Variants in SNX29 observed in about 807,000 individuals in gnomAD.
SNX29 encodes the protein sorting nexin-29.
Under a neutral mutation model 102.1 loss-of-function variants are expected in SNX29, and 78 were observed. The ratio of observed to expected loss-of-function variants is 0.76; its 90% CI spans 0.64 to 0.92. SNX29 has a LOEUF of 0.92. SNX29 is among the 40% of genes least tolerant of loss of function. The pLI is 0.00. For synonymous variants in SNX29, 580 were observed against 414.5 expected (o/e 1.40, Z -4.85); for missense variants, 1,280 against 1,061.7 (o/e 1.21, Z -2.86).
intron 20 of SNX29, among the ~76,000 whole-genome samples, chr16:12,542,096 C>T (rs1017750420): frequency 2.6e-5 from 4 of 152,152 alleles, no homozygotes; most frequent in Admixed American, 6.5e-5. Flanking sequence ...AATATTGTCT[C>T]TTCCCAACGG....
At chr16:12,117,689 T>C (rs1212580787) in intron 11 of SNX29, among the ~76,000 whole-genome samples, 1 of 152,208 alleles carries the variant, frequency 6.6e-6, no homozygotes, top group Non-Finnish European at 1.5e-5. Context: ...TAGAACTGGA[T>C]AGTAGTGATG....
chr16:12,167,478 C>CCCA (rs1339162166), intron 13 of SNX29, among the ~76,000 whole-genome samples: 1 of 152,120 alleles, frequency 6.6e-6, no homozygotes, highest in Admixed American at 6.5e-5. Context: ...GACTTCTCCA[C>CCCA]CCACCACCAC....
chr16:12,085,852 C>G (rs2052146345), intron 11 of SNX29, among the ~76,000 whole-genome samples: 1 of 152,118 alleles, frequency 6.6e-6, no homozygotes, highest in South Asian at 2.1e-4. Flanking sequence ...GAAAATGAGG[C>G]TTAGGAGGGT....
chr16:12,426,205 T>G (rs78792660), intron 18 of SNX29, among the ~76,000 whole-genome samples: 6 of 152,194 alleles, frequency 3.9e-5, no homozygotes, highest in African/African-American at 1.4e-4. Context: ...ACAGTAAGTT[T>G]ATTATTCATC....
chr16:12,370,161 G>T (rs775487518), intron 16 of SNX29, among the ~76,000 whole-genome samples: 1 of 152,210 alleles, frequency 6.6e-6, no homozygotes, highest in Non-Finnish European at 1.5e-5. Flanking sequence ...GGTGGAGACT[G>T]CAGTGAGCCA....
chr16:12,535,212 C>T (rs1292908773), intron 20 of SNX29, among the ~76,000 whole-genome samples: 4 of 152,342 alleles, frequency 2.6e-5, no homozygotes, highest in East Asian at 1.9e-4. Flanking sequence ...GATTTCAGCT[C>T]ACTGCAACCT....
At chr16:12,288,427 AG>A (rs916796786) in intron 15 of SNX29, among the ~76,000 whole-genome samples, 2 of 152,212 alleles carry the variant, frequency 1.3e-5, no homozygotes, top group African/African-American at 4.8e-5. Context: ...AACTGCCCTG[AG>A]CTGCCACCCT....
At chr16:12,131,212 C>T (rs1219161181) in intron 13 of SNX29, among the ~76,000 whole-genome samples, 1 of 152,206 alleles carries the variant, frequency 6.6e-6, no homozygotes, top group Non-Finnish European at 1.5e-5. Context: ...ATGGTGCTGG[C>T]AGAAAATTTT....
chr16:12,240,896 G>A lies in SNX29; in HGVS notation c.1679-37037G>A, dbSNP rs77330346. ...GCTGGGATTACAGGCGTTACCCACC[G>A]CACCTTGCCATCTTTGTCATTCTTG... On this transcript the variant is annotated intron_variant, in intron 14 of 20. Coordinates refer to ENST00000566228, the MANE Select transcript of SNX29 (RefSeq NM_032167.5). 8.5e-5 allele frequency among the ~76,000 whole-genome samples: 13 copies of A among 152,050 alleles called. No individual in the cohort carries two copies. The East Asian group carries it at 2.3e-3, about 27-fold the overall frequency.
intron 13 of SNX29, among the ~76,000 whole-genome samples, chr16:12,155,728 C>T (rs1359111147): frequency 2.0e-4 from 30 of 152,060 alleles, no homozygotes; most frequent in Admixed American, 1.9e-3. Context: ...GCAGGGAGGG[C>T]CCAGAACCTT....
chr16:12,560,292 A>G (rs971574128), intron 20 of SNX29, among the ~76,000 whole-genome samples: 1 of 152,176 alleles, frequency 6.6e-6, no homozygotes, highest in South Asian at 2.1e-4. Flanking sequence ...AGTGTTATTG[A>G]AAGCACACTC....
chr16:12,564,491 G>C (rs559804328), intron 20 of SNX29, among the ~76,000 whole-genome samples: 1 of 152,234 alleles, frequency 6.6e-6, no homozygotes, highest in Non-Finnish European at 1.5e-5. Context: ...AAGGTCTAGA[G>C]TGTCTTAACA....
In SNX29 at chr16:12,571,028, GA is replaced by G. The variant is rs2079176642; in HGVS notation, c.*2400del. ...AGAGTCGAGTCATCTCGCAGATCCA[GA>G]CCATCTCCTCTCATTCTCACTCTAA... On this transcript the variant is annotated 3_prime_UTR_variant, in exon 21 of 21. Coordinates refer to ENST00000566228, the MANE Select transcript of SNX29 (RefSeq NM_032167.5). 1 of 232,706 alleles carries G rather than the reference GA, an allele frequency of 4.3e-6. No individual in the cohort carries two copies. The highest frequency in any genetic ancestry group is 2.2e-5 in the African/African-American group (1 of 45,280). 14.4% of individuals were successfully genotyped at this position (232,706 alleles called of 1,614,324 possible).
At chr16:11,990,077 T>A (rs2055789196) in intron 1 of SNX29, among the ~76,000 whole-genome samples, 1 of 152,122 alleles carries the variant, frequency 6.6e-6, no homozygotes, top group South Asian at 2.1e-4. Context: ...TCAGTTCCTT[T>A]GTTTGTTTCA....
intron 9 of SNX29, among the ~76,000 whole-genome samples, chr16:12,067,686 C>A (rs970162031): frequency 3.3e-5 from 5 of 152,110 alleles, no homozygotes; most frequent in Middle Eastern, 3.2e-3. Context: ...CGGGGTTTTG[C>A]CATGTTAGCC....
chr16:12,502,063 A>C (rs1289115259), intron 19 of SNX29, among the ~76,000 whole-genome samples: 2 of 152,200 alleles, frequency 1.3e-5, no homozygotes, highest in Non-Finnish European at 2.9e-5. Context: ...TGGTGAGAAC[A>C]TGGGACCTGC....
At chr16:12,331,375 T>G (rs1218984277) in intron 15 of SNX29, among the ~76,000 whole-genome samples, 1 of 152,176 alleles carries the variant, frequency 6.6e-6, no homozygotes, top group African/African-American at 2.4e-5. Context: ...GATTTAATTT[T>G]TATTCATTTT....
chr16:12,496,077 G>T (rs147521911), intron 19 of SNX29, among the ~76,000 whole-genome samples: 1 of 152,280 alleles, frequency 6.6e-6, no homozygotes, highest in African/African-American at 2.4e-5. Context: ...TTCAGTGAGC[G>T]CAGAGGTACT....
chr16:12,542,692 C>T (rs1035694329), intron 20 of SNX29, among the ~76,000 whole-genome samples: 1 of 151,786 alleles, frequency 6.6e-6, no homozygotes, highest in African/African-American at 2.4e-5. Context: ...ACTTTGGGGC[C>T]AGGCTGGTGT....
Sources: gnomAD v4.1 joint callset for allele counts (sites outside exome capture counted in the v4.1 genomes callset) on GRCh38, gnomAD v4.1.1 for gene constraint, MANE v1.5 for transcripts, NCBI Gene and HGNC (gene_info 2026-07-23, HGNC 2026-07-21) for gene names.